Variants in RPS6KA6 observed in about 807,000 individuals in gnomAD.
RPS6KA6 encodes ribosomal protein S6 kinase alpha-6.
RPS6KA6 carries 27 observed loss-of-function variants against 65.4 expected under a neutral mutation model. The ratio of observed to expected loss-of-function variants is 0.41; its 90% CI spans 0.30 to 0.57. The LOEUF (loss-of-function observed/expected upper bound fraction) is 0.57. Among genes scored for constraint, RPS6KA6 ranks in the 20% least tolerant of loss-of-function variants. The pLI is 0.24. For missense variants in RPS6KA6, 486 were observed against 555.6 expected (o/e 0.87, Z 1.26); for synonymous variants, 190 against 184.2 (o/e 1.03, Z -0.26).
chrX:84,075,421 T>C (rs1444309970), intron 20 of RPS6KA6, among the ~76,000 whole-genome samples: 1 of 111,440 alleles, frequency 9.0e-6, no homozygotes, highest in African/African-American at 3.3e-5. Context: ...TGGTCTAATA[T>C]ATATATGCAG....
At chrX:84,073,021 T>C (rs1017784539) in intron 20 of RPS6KA6, among the ~76,000 whole-genome samples, 1 of 111,543 alleles carries the variant, frequency 9.0e-6, no homozygotes, top group African/African-American at 3.3e-5. Context: ...TTCACAGACA[T>C]AGAAAAAATT....
chrX:84,138,946 CTT>C (rs1390173085), intron 6 of RPS6KA6, among the ~76,000 whole-genome samples: 1 of 110,854 alleles, frequency 9.0e-6, no homozygotes, highest in Non-Finnish European at 1.9e-5. Flanking sequence ...TTTAAAAAGT[CTT>C]TTTCTAAGGT....
At position 84,144,436 on chromosome X, in the gene RPS6KA6, T is replaced by C. The variant is rs570040018; in HGVS notation, c.501+1042A>G. Among the ~76,000 whole-genome samples the C allele has an allele frequency of 6.7e-4, 74 of 111,244 alleles. No individual in the cohort carries two copies. In the South Asian group the frequency reaches 0.027, roughly 41 times the overall value. On this transcript the variant is annotated intron_variant, in intron 6 of 21. Coordinates refer to ENST00000262752, the MANE Select transcript of RPS6KA6 (RefSeq NM_014496.5). ...GCTCATGAAAAGATGCTCAATGTCATTAGTCATTAGTGTGATGTAATTCAA... is the reference window on the plus strand; with the variant it reads ...GCTCATGAAAAGATGCTCAATGTCACTAGTCATTAGTGTGATGTAATTCAA...
intron 20 of RPS6KA6, among the ~76,000 whole-genome samples, chrX:84,086,808 A>C (rs1004858970): frequency 1.8e-5 from 2 of 111,409 alleles, no homozygotes; most frequent in African/African-American, 6.5e-5. Context: ...GTCTCTTTAT[A>C]AGTCTCTCAA....
chrX:84,083,327 C>T (rs1485540402), intron 20 of RPS6KA6, among the ~76,000 whole-genome samples: 1 of 112,617 alleles, frequency 8.9e-6, no homozygotes, highest in East Asian at 2.8e-4. Flanking sequence ...CAGATTAACA[C>T]GTCACTTAGG....
In RPS6KA6 at chrX:84,060,300, A is replaced by G. The variant is rs1226904036; in HGVS notation, c.*3977T>C. ...TAAAGAAGTTTAATTGCAGTTGGCC[A>G]ATATATACTTAATATGGCTTGCATT... On this transcript the variant is annotated 3_prime_UTR_variant, in exon 22 of 22. Coordinates refer to ENST00000262752, the MANE Select transcript of RPS6KA6 (RefSeq NM_014496.5). 3 of 109,625 alleles carry G rather than the reference A, an allele frequency of 2.7e-5. No homozygotes were observed. Among genetic ancestry groups the G allele is most frequent in the Non-Finnish European group, 5.7e-5 (3 of 52,663 alleles). 9.0% of individuals were successfully genotyped at this position (109,625 alleles called of 1,213,427 possible).
At position 84,138,554 on chromosome X, in the gene RPS6KA6, AAAAC is replaced by A. The variant is rs915408769; in HGVS notation, c.502-3348_502-3345del. ...GGGACAGAGCAAGACCCTGTCTCAA[AAAAC>A]AAACAAACAAAAATATTATTTCTTT... On this transcript the variant is annotated intron_variant, in intron 6 of 21. Transcript: ENST00000262752. Among the ~76,000 whole-genome samples the A allele has an allele frequency of 6.2e-5, 7 of 112,246 alleles. No individual in the cohort carries two copies. In the East Asian group the frequency reaches 1.1e-3, roughly 18 times the overall value.
At chrX:84,076,000 G>T (rs969627303) in intron 20 of RPS6KA6, among the ~76,000 whole-genome samples, 2 of 111,661 alleles carry the variant, frequency 1.8e-5, no homozygotes, top group African/African-American at 6.5e-5. Flanking sequence ...AGATTACAGT[G>T]GTTAATAGCA....
At chrX:84,143,165 TCTGA>T (rs1349262530) in intron 6 of RPS6KA6, among the ~76,000 whole-genome samples, 1 of 111,181 alleles carries the variant, frequency 9.0e-6, no homozygotes, top group African/African-American at 3.3e-5. Context: ...TGGTTCAACA[TCTGA>T]CTATCAATCG....
intron 20 of RPS6KA6, among the ~76,000 whole-genome samples, chrX:84,065,427 G>T (rs996088611): frequency 8.9e-6 from 1 of 111,739 alleles, no homozygotes; most frequent in Non-Finnish European, 1.9e-5. Flanking sequence ...ATGTTCAGCA[G>T]GAGACAGGAG....
chrX:84,151,307 C>T (rs868635131), intron 3 of RPS6KA6, among the ~76,000 whole-genome samples: 3 of 104,955 alleles, frequency 2.9e-5, no homozygotes, highest in Non-Finnish European at 3.9e-5. Context: ...ATCTGTGAAG[C>T]GCAATGAAGT....
intron 4 of RPS6KA6, 49 bp from the exon 5 acceptor site, chrX:84,147,107 GT>G: frequency 1.5e-6 from 1 of 674,448 alleles, no homozygotes; most frequent in Non-Finnish European, 2.3e-6. Flanking sequence ...CATCATTTCA[GT>G]TAAGAGTCCA....
intron 6 of RPS6KA6, among the ~76,000 whole-genome samples, chrX:84,143,996 G>A (rs771304432): frequency 3.6e-5 from 4 of 111,034 alleles, no homozygotes; most frequent in Non-Finnish European, 5.7e-5. Flanking sequence ...AAATGAAAAG[G>A]ACTTCTGCAC....
rs773157319 is a variant in RPS6KA6 at position 84,102,121 on chromosome X, A to T, written c.1692T>A (p.Cys564Ter). 4.2e-6 allele frequency: 5 copies of T among 1,195,809 alleles called. No homozygotes were observed. The highest frequency in any genetic ancestry group is 5.7e-6 in the Non-Finnish European group (5 of 884,610). ...GAAGTTGTTTTGCAAACCCAAAATC[A>T]CATATCCTGATTGAATCTGCACTGG... is the stretch of plus-strand genomic sequence containing the variant. ...ESASADSIRI[C>*]DFGFAKQLRG... Residue 564 changes from cysteine (C) to a stop codon, truncating the protein, a stop_gained, in exon 18 of 22, where the codon TGT (cysteine) becomes TGA (stop). Transcript: ENST00000262752. LOFTEE classifies it high-confidence loss of function.
intron 20 of RPS6KA6, among the ~76,000 whole-genome samples, chrX:84,093,574 A>G (rs2034091412): frequency 8.9e-6 from 1 of 112,089 alleles, no homozygotes; most frequent in Admixed American, 9.5e-5. Context: ...GCTAAAAGAG[A>G]CGTAAGAATA....
At chrX:84,185,897 A>T (rs1315882534) in intron 1 of RPS6KA6, among the ~76,000 whole-genome samples, 1 of 111,993 alleles carries the variant, frequency 8.9e-6, no homozygotes, top group Non-Finnish European at 1.9e-5. Context: ...AAAAGAATAT[A>T]ATTAAAAACA....
rs751602149 is a variant in RPS6KA6, at chrX:84,187,975, CCCGCCGCCGCCGCCGCCGCCGCCG to C, written c.-100_-77del. On this transcript the variant is annotated 5_prime_UTR_variant, in exon 1 of 22. Transcript: ENST00000262752. ...CCGCGCATCCTGTCTATTGAACTGG[CCCGCCGCCGCCGCCGCCGCCGCCG>C]CCGCCGCCGCGACCCCCAGCCCCGC... 1.3e-6 allele frequency: 1 copy of C among 759,068 alleles called. No individual in the cohort carries two copies. The highest frequency in any genetic ancestry group is 1.8e-6 in the Non-Finnish European group (1 of 569,553). The allele number at this position is 759,068 out of a possible 1,213,427, so 62.6% of individuals were successfully genotyped here.
At chrX:84,187,432 G>A (rs2147665045) in intron 1 of RPS6KA6, 1 of 147,055 alleles carries the variant, frequency 6.8e-6, no homozygotes, top group East Asian at 1.8e-4. Flanking sequence ...GTCCGCAGCT[G>A]TCCCCCAAAA....
At chrX:84,073,977 A>G (rs1226125336) in intron 20 of RPS6KA6, among the ~76,000 whole-genome samples, 1 of 111,678 alleles carries the variant, frequency 9.0e-6, no homozygotes, top group Non-Finnish European at 1.9e-5. Flanking sequence ...TCCTCAAAAA[A>G]TTAAAAACAG....
Sources: gnomAD v4.1 joint callset for allele counts (sites outside exome capture counted in the v4.1 genomes callset) on GRCh38, gnomAD v4.1.1 for gene constraint, MANE v1.5 for transcripts, NCBI Gene and HGNC (gene_info 2026-07-23, HGNC 2026-07-21) for gene names.